Variants in GIMAP8 observed in about 807,000 individuals in gnomAD.
GIMAP8 encodes GTPase, IMAP family member 8, also known as GTPase IMAP family member 8.
GIMAP8 carries 29 observed loss-of-function variants against 35.6 expected under a neutral mutation model. The observed-to-expected ratio is 0.81, with a 90% CI of 0.61 to 1.11. The LOEUF is 1.11. Ranked by LOEUF, GIMAP8 falls within the 50% of genes most tolerant of loss-of-function variation. GIMAP8 has a pLI of 0.00. For missense variants in GIMAP8, 811 were observed against 805.0 expected (o/e 1.01, Z -0.09); for synonymous variants, 335 against 308.7 (o/e 1.09, Z -0.89).
intron 1 of GIMAP8, among the ~76,000 whole-genome samples, chr7:150,455,138 C>CA (rs57359256): frequency 9.3e-4 from 115 of 123,956 alleles, no homozygotes; most frequent in South Asian, 1.3e-3. Flanking sequence ...AATTCCATCT[C>CA]AAAAAAAAAA....
intron 1 of GIMAP8, among the ~76,000 whole-genome samples, chr7:150,452,319 A>G (rs114727823): frequency 0.048 from 7,190 of 150,316 alleles, 574 homozygotes; most frequent in African/African-American, 0.17. Context: ...GCGTGTGTGT[A>G]TGTGGGTGTG....
At chr7:150,459,480 TG>T (rs1219249054) in intron 1 of GIMAP8, among the ~76,000 whole-genome samples, 1 of 152,198 alleles carries the variant, frequency 6.6e-6, no homozygotes, top group African/African-American at 2.4e-5. Flanking sequence ...GGAGTAATAG[TG>T]AGTGGTACCA....
Position 150,470,880 on chromosome 7 carries a change from T to C in GIMAP8, c.682+6T>C, listed in dbSNP as rs199613336. On this transcript the variant is annotated splice_donor_region_variant and intron_variant, in intron 3 of 4. Transcript: ENST00000307271. ...AGAGGGAGACAAGCCACAGGGTAAG[T>C]TGATCTTTAAGAAACATTAAGCTCA... is the stretch of plus-strand genomic sequence containing the variant. 3.8e-6 allele frequency: 6 copies of C among 1,593,616 alleles called. No homozygotes were observed. The highest frequency in any genetic ancestry group is 1.3e-5 in the African/African-American group (1 of 74,536).
At chr7:150,455,909 C>A (rs1243197179) in intron 1 of GIMAP8, among the ~76,000 whole-genome samples, 1 of 152,104 alleles carries the variant, frequency 6.6e-6, no homozygotes, top group Non-Finnish European at 1.5e-5. Flanking sequence ...ATCCAGGTGC[C>A]TTTTATCTTT....
At chr7:150,471,463 C>T (rs1007028858) in intron 3 of GIMAP8, among the ~76,000 whole-genome samples, 3 of 152,152 alleles carry the variant, frequency 2.0e-5, no homozygotes, top group Admixed American at 1.3e-4. Context: ...AGTATCCAGT[C>T]GTGAATAAGA....
chr7:150,474,945 A>G (rs1473500243), intron 4 of GIMAP8, among the ~76,000 whole-genome samples: 1 of 151,780 alleles, frequency 6.6e-6, no homozygotes, highest in African/African-American at 2.4e-5. Flanking sequence ...TTATTGTTCA[A>G]TTCCCACCTA....
intron 1 of GIMAP8, among the ~76,000 whole-genome samples, chr7:150,462,109 G>C (rs1801856479): frequency 2.0e-5 from 3 of 152,158 alleles, no homozygotes; most frequent in South Asian, 2.1e-4. Flanking sequence ...CTTAAGGGTA[G>C]GGGAGATTAT....
In GIMAP8 at chr7:150,467,055, A is replaced by G. The variant is rs1373984854; in HGVS notation, c.357A>G (p.Gln119=). 1 of 1,614,222 alleles carries G rather than the reference A, an allele frequency of 6.2e-7. No individual in the cohort carries two copies. The highest frequency in any genetic ancestry group is 1.7e-5 in the Admixed American group (1 of 60,030). Reference sequence around the variant, plus strand: ...AGGAAACAGCCAAGGGCATCCAACAAGTGTTTGGAGCTGAAGCCAGGAGGC... The same window carrying G: ...AGGAAACAGCCAAGGGCATCCAACAGGTGTTTGGAGCTGAAGCCAGGAGGC... ...EDEETAKGIQ[Q]VFGAEARRHI... is the part of the protein sequence containing the mutation. The change falls in exon 2 of 5, where the codon CAA becomes CAG. Residue 119 remains glutamine (Q), a synonymous_variant. Coordinates refer to ENST00000307271, the MANE Select transcript of GIMAP8 (RefSeq NM_175571.4).
intron 1 of GIMAP8, among the ~76,000 whole-genome samples, chr7:150,465,556 G>C (rs1409027475): frequency 6.6e-6 from 1 of 152,194 alleles, no homozygotes; most frequent in Non-Finnish European, 1.5e-5. Flanking sequence ...TGACTGAACA[G>C]GTACAGCAAA....
Position 150,477,914 on chromosome 7 carries a change from TTGTGA to T in GIMAP8, c.*138_*142del. On this transcript the variant is annotated 3_prime_UTR_variant, in exon 5 of 5. Transcript: ENST00000307271. ...GCCTGAGAGGCAAATGCATCCCGCC[TTGTGA>T]TGTATCAGCTATTTGTAGATAAATA... 1.5e-6 allele frequency: 1 copy of T among 645,680 alleles called. No homozygotes were observed. Among genetic ancestry groups the T allele is most frequent in the South Asian group, 2.0e-5 (1 of 50,002 alleles). 40.0% of individuals were successfully genotyped at this position (645,680 alleles called of 1,614,324 possible).
intron 1 of GIMAP8, among the ~76,000 whole-genome samples, chr7:150,466,300 T>G (rs1801955138): frequency 6.6e-6 from 1 of 152,154 alleles, no homozygotes; most frequent in Non-Finnish European, 1.5e-5. Flanking sequence ...ATTTAATAGG[T>G]GTAGGTTGGG....
chr7:150,452,200 G>A (rs946524154), intron 1 of GIMAP8, among the ~76,000 whole-genome samples: 19 of 152,202 alleles, frequency 1.2e-4, no homozygotes, highest in East Asian at 1.9e-4. Flanking sequence ...CTGGCAGAGC[G>A]TGAGTGAGGG....
chr7:150,476,323 A>C (rs1251957294), intron 4 of GIMAP8, among the ~76,000 whole-genome samples: 1 of 152,276 alleles, frequency 6.6e-6, no homozygotes, highest in Non-Finnish European at 1.5e-5. Flanking sequence ...GTGCAAGTGC[A>C]AAAGCATAAG....
At chr7:150,452,709 T>TATATATATATATATATATATATACAC (rs1373884339) in intron 1 of GIMAP8, among the ~76,000 whole-genome samples, 2 of 106,626 alleles carry the variant, frequency 1.9e-5, no homozygotes, top group Admixed American at 1.2e-4. Context: ...TATATATATA[T>TATATATATATATATATATATATACAC]ACATGCGAGT....
chr7:150,469,108 G>A (rs768276674), intron 2 of GIMAP8, among the ~76,000 whole-genome samples: 3 of 152,176 alleles, frequency 2.0e-5, no homozygotes, highest in Non-Finnish European at 4.4e-5. Flanking sequence ...AATTTGGCTT[G>A]ACTCCTTGCC....
At chr7:150,468,765 C>A (rs1014701606) in intron 2 of GIMAP8, among the ~76,000 whole-genome samples, 21 of 152,160 alleles carry the variant, frequency 1.4e-4, no homozygotes, top group African/African-American at 4.8e-4. Context: ...TAAGCCCAAG[C>A]AGCATGGAAA....
Position 150,451,827 on chromosome 7 carries a change from A to G in GIMAP8, c.-29+652A>G, listed in dbSNP as rs1033519510. Among the ~76,000 whole-genome samples the G allele has an allele frequency of 6.6e-6, 1 of 152,136 alleles. No homozygotes were observed. The highest frequency in any genetic ancestry group is 1.5e-5 in the Non-Finnish European group (1 of 68,018). On this transcript the variant is annotated intron_variant, in intron 1 of 4. Transcript: ENST00000307271. This position sits in a 1 kb window ranked among gnomAD's most constrained non-coding sequence, Gnocchi z 4.1. ...GGGTCAAGACCTTACCAAAAGCAAT[A>G]TTTCTGATTTCACCTACATTTCAGC...
chr7:150,471,851 T>C (rs901370997), intron 3 of GIMAP8, among the ~76,000 whole-genome samples: 5 of 147,702 alleles, frequency 3.4e-5, no homozygotes, highest in Non-Finnish European at 3.0e-5. Context: ...AAAAAAAAAA[T>C]TGCAGCTGAC....
chr7:150,470,784 G>C, intron 2 of GIMAP8, 45 bp from the exon 3 acceptor site: 2 of 473,134 alleles, frequency 4.2e-6, no homozygotes, highest in Non-Finnish European at 7.6e-6. Context: ...TGTGGAAGAT[G>C]AGGTTTTAGA....
Sources: gnomAD v4.1 joint callset for allele counts (sites outside exome capture counted in the v4.1 genomes callset) on GRCh38, gnomAD v4.1.1 for gene constraint, Gnocchi (gnomAD v3.1) non-coding constraint, MANE v1.5 for transcripts, NCBI Gene and HGNC (gene_info 2026-07-23, HGNC 2026-07-21) for gene names.